KPNA1: variants seen among roughly 807,000 people sequenced by gnomAD.
KPNA1 encodes karyopherin subunit alpha 1.
A neutral mutation model predicts 70.5 loss-of-function variants in KPNA1; 10 were observed. That is an observed-to-expected ratio of 0.14 (90% CI 0.09 to 0.24). KPNA1 has a LOEUF of 0.24. Ranked by LOEUF, KPNA1 falls within the 10% of genes least tolerant of loss-of-function variation. The pLI is 1.00. For synonymous variants in KPNA1, 192 were observed against 221.9 expected (o/e 0.87, Z 1.20); for missense variants, 397 against 637.9 (o/e 0.62, Z 4.07).
chr3:122,476,861 C>CAAAA (rs144118691), intron 2 of KPNA1, among the ~76,000 whole-genome samples: 270 of 64,022 alleles, frequency 4.2e-3, no homozygotes, highest in East Asian at 6.9e-3. Context: ...GGAGGTTCCA[C>CAAAA]AAAAAAAAAA....
At chr3:122,496,108 TAACA>T (rs1327357897) in intron 2 of KPNA1, among the ~76,000 whole-genome samples, 2 of 152,140 alleles carry the variant, frequency 1.3e-5, no homozygotes. Flanking sequence ...GTGAATTAAT[TAACA>T]AACATACATC....
intron 12 of KPNA1, among the ~76,000 whole-genome samples, 185 bp from the exon 13 acceptor site, chr3:122,427,901 T>G (rs1466848493): frequency 6.6e-6 from 1 of 152,116 alleles, no homozygotes; most frequent in Non-Finnish European, 1.5e-5. Flanking sequence ...CTAAATAAAT[T>G]ATCCCAAACC....
intron 10 of KPNA1, among the ~76,000 whole-genome samples, chr3:122,438,416 C>T (rs879071165): frequency 5.3e-4 from 79 of 148,610 alleles, no homozygotes; most frequent in African/African-American, 1.9e-3. Flanking sequence ...GACAGAGTTT[C>T]GCTCCTGTTG....
At chr3:122,450,083 C>T (rs989947815) in intron 8 of KPNA1, among the ~76,000 whole-genome samples, 3 of 152,156 alleles carry the variant, frequency 2.0e-5, no homozygotes, top group Non-Finnish European at 4.4e-5. Context: ...ATTTTAGATA[C>T]TTTGTTAAAG....
chr3:122,429,790 T>C (rs1361297607), intron 12 of KPNA1, among the ~76,000 whole-genome samples: 1 of 152,226 alleles, frequency 6.6e-6, no homozygotes, highest in Non-Finnish European at 1.5e-5. Flanking sequence ...ATTATCAACT[T>C]ACTATAATCT....
intron 2 of KPNA1, among the ~76,000 whole-genome samples, chr3:122,473,656 T>A (rs2076467203): frequency 6.6e-6 from 1 of 152,026 alleles, no homozygotes; most frequent in Non-Finnish European, 1.5e-5. Flanking sequence ...AAGAAGCATA[T>A]GAAAAAAAAT....
At position 122,461,330 on chromosome 3, in the gene KPNA1, TA is replaced by T; in HGVS notation, c.338-13del. 2 of 1,572,628 alleles carry T rather than the reference TA, an allele frequency of 1.3e-6. No individual in the cohort carries two copies. Among genetic ancestry groups the T allele is most frequent in the South Asian group, 1.2e-5 (1 of 86,548 alleles). On this transcript the variant is annotated splice_polypyrimidine_tract_variant and intron_variant, in intron 4 of 13. Transcript: ENST00000344337. Reference sequence around the variant, plus strand: ...AGGAGGGTTAGGTTCTGTTTCCCCATAAAATAAAAGAAAAAAAAAATCCTTT... The same window carrying T: ...AGGAGGGTTAGGTTCTGTTTCCCCATAAATAAAAGAAAAAAAAAATCCTTT...
At chr3:122,452,132 G>C in intron 6 of KPNA1, 68 bp from the exon 7 acceptor site, 1 of 988,396 alleles carries the variant, frequency 1.0e-6, no homozygotes, top group African/African-American at 1.6e-5. Flanking sequence ...TCAGATGCCA[G>C]TATATCACAA....
Position 122,427,714 on chromosome 3 carries a change from T to C in KPNA1, c.1253A>G (p.Tyr418Cys). 1 of 1,562,104 alleles carries C rather than the reference T, an allele frequency of 6.4e-7. No individual in the cohort carries two copies. Among genetic ancestry groups the C allele is most frequent in the African/African-American group, 1.4e-5 (1 of 73,230 alleles). The change falls in exon 13 of 14, where the codon TAC (tyrosine) becomes TGC (cysteine). Residue 418 changes from tyrosine (Y) to cysteine (C), a missense_variant and splice_region_variant. Transcript: ENST00000344337. ...TSGGSAEQIK[Y>C]LVELGCIKPL... ...CTTGATACAACCCAGTTCTACTAGG[T>C]ACCTAAATACAAAGAATAATGTAGT...
chr3:122,464,055 CA>C lies in KPNA1; in HGVS notation c.238-15del. 3 of 1,396,838 alleles carry C rather than the reference CA, an allele frequency of 2.1e-6. No homozygotes were observed. Among genetic ancestry groups the C allele is most frequent in the Non-Finnish European group, 3.0e-6 (3 of 1,009,810 alleles). 86.5% of individuals were successfully genotyped at this position (1,396,838 alleles called of 1,614,324 possible). A position where few individuals can be genotyped will look rare whatever the true frequency, so the allele number is the denominator to read the frequency against. On this transcript the variant is annotated splice_polypyrimidine_tract_variant and intron_variant, in intron 3 of 13. Coordinates refer to ENST00000344337, the MANE Select transcript of KPNA1 (RefSeq NM_002264.4). ...GATGACACCACCCTGCGATCACAAA[CA>C]AAAAGAACATATAATAAATTATCAC...
rs541502500 is a variant in KPNA1 at position 122,506,009 on chromosome 3, G to A, written c.-6+8748C>T. On this transcript the variant is annotated intron_variant, in intron 1 of 13. Coordinates refer to ENST00000344337, the MANE Select transcript of KPNA1 (RefSeq NM_002264.4). ...CGTTTTTAACCACTTCTTAGAACAA[G>A]TCTAAACTTCTTGGTCCTGCAAGAT... Among the ~76,000 whole-genome samples, 195 of 152,294 alleles carry A rather than the reference G, an allele frequency of 1.3e-3. 1 individual carries two copies. Among genetic ancestry groups the A allele is most frequent in the African/African-American group, 4.5e-3 (185 of 41,562 alleles).
Position 122,427,539 on chromosome 3 carries a change from A to G in KPNA1, c.1428T>C (p.Tyr476=), listed in dbSNP as rs148226308. 1.2e-6 allele frequency: 2 copies of G among 1,611,308 alleles called. No individual in the cohort carries two copies. Among genetic ancestry groups the G allele is most frequent in the Non-Finnish European group, 1.7e-6 (2 of 1,178,770 alleles). The change falls in exon 13 of 14, where the codon TAT becomes TAC. Residue 476 remains tyrosine (Y), a splice_region_variant and synonymous_variant. Coordinates refer to ENST00000344337, the MANE Select transcript of KPNA1 (RefSeq NM_002264.4). ...NPYCALIEEA[Y]GLDKIEFLQS... ...ACTTCTTCAACCAAAGCATCTTACC[A>G]TAAGCTTCTTCAATCAAAGCACAGT...
At chr3:122,474,134 G>A (rs1207879555) in intron 2 of KPNA1, among the ~76,000 whole-genome samples, 3 of 152,074 alleles carry the variant, frequency 2.0e-5, no homozygotes, top group African/African-American at 7.2e-5. Context: ...ACTTAGGTAT[G>A]AATCTAACAA....
chr3:122,431,566 G>T (rs2075909526), intron 12 of KPNA1, among the ~76,000 whole-genome samples: 1 of 152,164 alleles, frequency 6.6e-6, no homozygotes, highest in African/African-American at 2.4e-5. Context: ...AAGTCAGTTT[G>T]TTTTTTGTAA....
In KPNA1 at chr3:122,427,018, C is replaced by CTGT; in HGVS notation, c.1581_1583dup (p.Gln528dup). The stretch of plus-strand genomic sequence containing the variant: ...GGAAACCTTCCATAGGAGCCTCACA[C>CTGT]TGTTGGAAGATGTACTGCTGCTGGT... On this transcript the variant is annotated inframe_insertion, in exon 14 of 14. Transcript: ENST00000344337. 6.2e-7 allele frequency: 1 copy of CTGT among 1,614,156 alleles called. No individual in the cohort carries two copies. Among genetic ancestry groups the CTGT allele is most frequent in the Non-Finnish European group, 8.5e-7 (1 of 1,180,018 alleles).
intron 1 of KPNA1, among the ~76,000 whole-genome samples, chr3:122,502,799 T>C (rs371967289): frequency 6.1e-4 from 93 of 152,194 alleles, no homozygotes; most frequent in African/African-American, 2.1e-3. Flanking sequence ...GGCACAATAA[T>C]AGTAGTGTTG....
Position 122,463,968 on chromosome 3 carries a change from T to A in KPNA1, c.311A>T (p.Gln104Leu). ...TTTTGAAAGCAGCTTCCTGAATTTC[T>A]GTGTTGCTGAAAGCTGTTGCTCTGG... ...KSPEQQLSAT[Q>L]KFRKLLSKEP... is the part of the protein sequence containing the mutation. The change falls in exon 4 of 14, where the codon CAG becomes CTG. Residue 104 changes from glutamine to leucine, a missense_variant. Gln to Leu is a moderately radical substitution (Grantham distance 113). Transcript: ENST00000344337. 6.2e-7 allele frequency: 1 copy of A among 1,604,016 alleles called. No individual in the cohort carries two copies. The highest frequency in any genetic ancestry group is 8.5e-7 in the Non-Finnish European group (1 of 1,173,032).
At chr3:122,468,662 G>A (rs773734352) in intron 2 of KPNA1, among the ~76,000 whole-genome samples, 10 of 152,184 alleles carry the variant, frequency 6.6e-5, no homozygotes, top group Non-Finnish European at 1.5e-4. Context: ...ATCGGACCAA[G>A]AATTTAAAAC....
intron 5 of KPNA1, among the ~76,000 whole-genome samples, chr3:122,454,478 A>C (rs2076244439): frequency 6.6e-6 from 1 of 152,242 alleles, no homozygotes; most frequent in African/African-American, 2.4e-5. Context: ...AGGATGAAAA[A>C]GATACTTTTC....
Sources: gnomAD v4.1 joint callset for allele counts (sites outside exome capture counted in the v4.1 genomes callset) on GRCh38, gnomAD v4.1.1 for gene constraint, MANE v1.5 for transcripts, NCBI Gene and HGNC (gene_info 2026-07-23, HGNC 2026-07-21) for gene names.